CCDC12: variants seen among roughly 807,000 people sequenced by gnomAD.
The protein encoded by CCDC12 is coiled-coil domain containing 12, also known as coiled-coil domain-containing protein 12.
Under a neutral mutation model 25.7 loss-of-function variants are expected in CCDC12, and 28 were observed. The observed-to-expected ratio is 1.09, with a 90% confidence interval of 0.81 to 1.50. The LOEUF is 1.50. Ranked by LOEUF, CCDC12 falls within the 40% of genes most tolerant of loss-of-function variation. The probability of loss-of-function intolerance (pLI) is 0.00; values close to 1 mark genes in which losing one functional copy is unlikely to be tolerated. For synonymous variants in CCDC12, 75 were observed against 87.7 expected, an observed-to-expected ratio of 0.86 and a Z score of 0.81; for missense variants, 198 against 210.0, an observed-to-expected ratio of 0.94 and a Z score of 0.35.
chr3:46,979,667 G>A, upstream of CCDC12: 1 of 317,490 alleles, frequency 3.1e-6, no homozygotes, highest in East Asian at 4.7e-5. Flanking sequence ...GCGGCCGGCA[G>A]TGAGGAGGAG....
chr3:46,948,413 C>G (rs905650047), intron 1 of CCDC12, among the ~76,000 whole-genome samples: 1 of 152,174 alleles, frequency 6.6e-6, no homozygotes, highest in African/African-American at 2.4e-5. Flanking sequence ...AGGTCAACAG[C>G]GGTGGACTAG....
chr3:46,962,990 T>C (rs1172568933), intron 1 of CCDC12, among the ~76,000 whole-genome samples: 1 of 152,132 alleles, frequency 6.6e-6, no homozygotes, highest in Non-Finnish European at 1.5e-5. Context: ...GTTCAAACAA[T>C]GGAATACTAT....
At chr3:46,959,939 C>T (rs1009137337) in intron 1 of CCDC12, among the ~76,000 whole-genome samples, 1 of 152,180 alleles carries the variant, frequency 6.6e-6, no homozygotes, top group Admixed American at 6.5e-5. Context: ...GGACAAAGCC[C>T]AAATGGGGAC....
intron 1 of CCDC12, among the ~76,000 whole-genome samples, chr3:46,950,659 T>C (rs1004803174): frequency 6.6e-5 from 10 of 152,194 alleles, no homozygotes; most frequent in African/African-American, 2.4e-4. Flanking sequence ...TGGAGCACAT[T>C]ATCCTTTTCT....
intron 1 of CCDC12, among the ~76,000 whole-genome samples, chr3:46,957,571 G>A (rs766240684): frequency 1.4e-4 from 22 of 152,138 alleles, no homozygotes; most frequent in Non-Finnish European, 2.5e-4. Flanking sequence ...ACCTAACAAC[G>A]AAGTGTGTGG....
chr3:46,974,061 G>A (rs2034891355), intron 1 of CCDC12, among the ~76,000 whole-genome samples: 1 of 152,194 alleles, frequency 6.6e-6, no homozygotes, highest in South Asian at 2.1e-4. Context: ...TGGATGAAGT[G>A]TGAAGACATG....
intron 2 of CCDC12, among the ~76,000 whole-genome samples, chr3:46,936,086 T>C (rs1575543138): frequency 6.6e-6 from 1 of 152,164 alleles, no homozygotes; most frequent in South Asian, 2.1e-4. Flanking sequence ...GGTCCTGGGG[T>C]GGCTCCCTCC....
At chr3:46,926,905 G>A (rs73067052) in intron 2 of CCDC12, among the ~76,000 whole-genome samples, 165 of 152,328 alleles carry the variant, frequency 1.1e-3, no homozygotes, top group Admixed American at 2.1e-3. Context: ...CCAGGTAAAA[G>A]TGCTGCTGAC....
intron 4 of CCDC12, 43 bp from the exon 5 acceptor site, chr3:46,923,406 C>G: frequency 1.9e-6 from 3 of 1,547,692 alleles, no homozygotes; most frequent in Non-Finnish European, 2.6e-6. Context: ...GGGGCCACCC[C>G]AGGACAAGGG....
At chr3:46,940,604 C>G (rs1390565138) in intron 2 of CCDC12, 1 of 196,270 alleles carries the variant, frequency 5.1e-6, no homozygotes, top group Non-Finnish European at 1.1e-5. Context: ...AGGGCTCTGG[C>G]TAGAGGGAAA....
chr3:46,977,250 G>A (rs900608025), upstream of CCDC12, among the ~76,000 whole-genome samples: 28 of 152,256 alleles, frequency 1.8e-4, no homozygotes, highest in Admixed American at 7.8e-4. Flanking sequence ...CGAGGAGGGC[G>A]GACCACGAGG....
rs1031340353 is a variant in CCDC12 at position 46,967,644 on chromosome 3, T to C, written c.96+8993A>G. 3.9e-5 allele frequency among the ~76,000 whole-genome samples: 6 copies of C among 152,178 alleles called. No individual in the cohort carries two copies. The South Asian group carries it at 6.2e-4, about 16-fold the overall frequency. ...CACATAAACAGGGACACCATGTTCCTTGTTTCTAAGTATTCCCACTCCTTC... is the reference window on the plus strand; with the variant it reads ...CACATAAACAGGGACACCATGTTCCCTGTTTCTAAGTATTCCCACTCCTTC... On this transcript the variant is annotated intron_variant, in intron 1 of 6. Transcript: ENST00000683445.
chr3:46,954,847 CAGA>C (rs2034238277), intron 1 of CCDC12, among the ~76,000 whole-genome samples: 1 of 152,090 alleles, frequency 6.6e-6, no homozygotes, highest in Non-Finnish European at 1.5e-5. Context: ...CGCTTGAAAC[CAGA>C]AGGAGGAGGT....
chr3:46,927,843 A>G (rs1374460247), intron 2 of CCDC12, among the ~76,000 whole-genome samples: 1 of 152,142 alleles, frequency 6.6e-6, no homozygotes. Context: ...CAGTCCCCTT[A>G]GCGTGGAGAG....
At position 46,959,795 on chromosome 3, in the gene CCDC12, C is replaced by A. The variant is rs142859756; in HGVS notation, c.96+16842G>T. ...GCCTGCCTGTTCTGCTCCTGCCCCT[C>A]CTCTGCCTAAAATCCCTCCACCTCT... On this transcript the variant is annotated intron_variant, in intron 1 of 6. Coordinates refer to ENST00000683445, the MANE Select transcript of CCDC12 (RefSeq NM_001277074.2). 1.2e-3 allele frequency among the ~76,000 whole-genome samples: 186 copies of A among 152,312 alleles called. 1 individual carries two copies. The highest frequency in any genetic ancestry group is 2.2e-3 in the Non-Finnish European group (152 of 68,012).
At chr3:46,958,577 T>C (rs941508296) in intron 1 of CCDC12, among the ~76,000 whole-genome samples, 2 of 152,170 alleles carry the variant, frequency 1.3e-5, no homozygotes, top group African/African-American at 2.4e-5. Context: ...ACCCTCGGTT[T>C]GGTTCTGGAA....
At chr3:46,977,241 G>A (rs754597125), upstream of CCDC12, among the ~76,000 whole-genome samples, 2 of 152,296 alleles carry the variant, frequency 1.3e-5, no homozygotes, top group African/African-American at 2.4e-5. Flanking sequence ...TTGGGAGGCC[G>A]AGGAGGGCGG....
intron 1 of CCDC12, among the ~76,000 whole-genome samples, chr3:46,958,482 G>A (rs1400909124): frequency 6.6e-6 from 1 of 152,122 alleles, no homozygotes; most frequent in East Asian, 1.9e-4. Context: ...CCTTCTCCCT[G>A]TAACCAGCTG....
At chr3:46,940,495 A>C (rs2033656669) in intron 2 of CCDC12, 1 of 154,608 alleles carries the variant, frequency 6.5e-6, no homozygotes, top group African/African-American at 2.4e-5. Context: ...CAGACATCAA[A>C]GGTATAGGAG....
Sources: allele counts gnomAD v4.1 joint callset (sites outside exome capture counted in the v4.1 genomes callset), GRCh38; gene constraint gnomAD v4.1.1; transcripts MANE v1.5; gene names NCBI Gene and HGNC (gene_info 2026-07-23, HGNC 2026-07-21).